Variants in LYRM7 observed in about 807,000 individuals in gnomAD.
LYRM7 encodes the protein complex III assembly factor LYRM7.
In LYRM7, 9 loss-of-function variants were observed where a neutral mutation model predicts 15.8. That is an observed-to-expected ratio of 0.57 (90% confidence interval 0.34 to 0.99). The LOEUF is 0.99. LYRM7 is among the 50% of genes least tolerant of loss of function. LYRM7 has a pLI of 0.02. For missense variants in LYRM7, 115 were observed against 119.1 expected, an observed-to-expected ratio of 0.97 and a Z score of 0.16; for synonymous variants, 39 against 39.4, an observed-to-expected ratio of 0.99 and a Z score of 0.04.
intron 1 of LYRM7, among the ~76,000 whole-genome samples, chr5:131,175,674 A>G (rs1486547359): frequency 6.6e-6 from 1 of 152,006 alleles, no homozygotes; most frequent in African/African-American, 2.4e-5. Context: ...AGCTAGGACT[A>G]CAAGCACCCT....
chr5:131,174,206 C>T (rs936537548), intron 1 of LYRM7, among the ~76,000 whole-genome samples: 4 of 152,336 alleles, frequency 2.6e-5, no homozygotes, highest in African/African-American at 9.6e-5. Context: ...ACTCAAGAAT[C>T]CACTTTCTTT....
intron 4 of LYRM7, among the ~76,000 whole-genome samples, chr5:131,187,857 A>G (rs1228826671): frequency 1.3e-5 from 2 of 152,146 alleles, no homozygotes; most frequent in East Asian, 1.9e-4. Flanking sequence ...ATCCTCCATC[A>G]TATCTCGAGA....
In LYRM7 at chr5:131,186,918, A is replaced by G. The variant is rs547729800; in HGVS notation, c.163-110A>G. ...TAACTGAAACTGCAGATAAGGAGAA[A>G]CTACTGTATTACTTGAAAAGAAATT... On this transcript the variant is annotated intron_variant, in intron 3 of 4. Transcript: ENST00000379380. 47 of 634,154 alleles carry G rather than the reference A, an allele frequency of 7.4e-5. No individual in the cohort carries two copies. In the East Asian group the frequency reaches 1.3e-3, roughly 18 times the overall value. The allele number at this position is 634,154 out of a possible 1,614,324, so 39.3% of individuals were successfully genotyped here. A position where few individuals can be genotyped will look rare whatever the true frequency, so the allele number is the denominator to read the frequency against.
At position 131,205,073 on chromosome 5, in the gene LYRM7, C is replaced by T. The variant is rs994043297; in HGVS notation, c.*5472C>T. ...TATAGCACACTCATGAACCTAATTC[C>T]CACATTTGATAGTTGTTACATTTTG... On this transcript the variant is annotated 3_prime_UTR_variant, in exon 5 of 5. Transcript: ENST00000379380. The T allele has an allele frequency of 5.3e-5, 8 of 152,104 alleles. No homozygotes were observed. Among genetic ancestry groups the T allele is most frequent in the Non-Finnish European group, 1.2e-4 (8 of 67,968 alleles). 9.4% of individuals were successfully genotyped at this position (152,104 alleles called of 1,614,324 possible).
chr5:131,198,069 A>G (rs1755998422), intron 4 of LYRM7, among the ~76,000 whole-genome samples: 1 of 151,954 alleles, frequency 6.6e-6, no homozygotes, highest in Non-Finnish European at 1.5e-5. Flanking sequence ...TAAGTTGCAG[A>G]CATAATGCCT....
chr5:131,172,473 A>T (rs1755538435), intron 1 of LYRM7, among the ~76,000 whole-genome samples: 1 of 152,260 alleles, frequency 6.6e-6, no homozygotes, highest in African/African-American at 2.4e-5. Context: ...GTTTGATTAG[A>T]AATTAGCTAG....
intron 1 of LYRM7, among the ~76,000 whole-genome samples, chr5:131,179,474 T>TTTTTTTTTTTTTTTTTTTTTTTTC (rs1755656398): frequency 2.6e-3 from 61 of 23,490 alleles, no homozygotes; most frequent in East Asian, 7.5e-3. Flanking sequence ...TTTTTTTTTC[T>TTTTTTTTTTTTTTTTTTTTTTTTC]TTTTTTTTTT....
At chr5:131,181,384 ATATACATATATATTATATATACATAT>A (rs1561544405) in intron 2 of LYRM7, among the ~76,000 whole-genome samples, 136 of 100,092 alleles carry the variant, frequency 1.4e-3, no homozygotes, top group Admixed American at 2.9e-3. Flanking sequence ...TATATATAAT[ATATACATATATATTATATATACATAT>A]ATATGTTTAT....
At position 131,180,209 on chromosome 5, in the gene LYRM7, A is replaced by C. The variant is rs764277475; in HGVS notation, c.91+42A>C. The C allele has an allele frequency of 2.6e-5, 35 of 1,367,742 alleles. No individual in the cohort carries two copies. The African/African-American group carries it at 4.2e-4, about 16-fold the overall frequency. The allele number at this position is 1,367,742 out of a possible 1,614,324, so 84.7% of individuals were successfully genotyped here. On this transcript the variant is annotated intron_variant, in intron 2 of 4. Coordinates refer to ENST00000379380, the MANE Select transcript of LYRM7 (RefSeq NM_181705.4). ...CCCCTTTGGAGCCAGTCTACTTTTT[A>C]GATAACTACTAATCTCTCTGAGAAA... is the stretch of plus-strand genomic sequence containing the variant.
intron 1 of LYRM7, among the ~76,000 whole-genome samples, chr5:131,178,829 G>T (rs1213725631): frequency 6.6e-6 from 1 of 152,062 alleles, no homozygotes; most frequent in Admixed American, 6.6e-5. Context: ...GGGCGTGGTG[G>T]CACACGCCTG....
At chr5:131,177,795 T>A (rs1363046994) in intron 1 of LYRM7, among the ~76,000 whole-genome samples, 1 of 152,170 alleles carries the variant, frequency 6.6e-6, no homozygotes, top group East Asian at 1.9e-4. Context: ...TAAGTGAAAA[T>A]TTTAAAATTT....
chr5:131,179,474 T>TTTTTTTTTTTTTTTATTTTTTC (rs1755656398), intron 1 of LYRM7, among the ~76,000 whole-genome samples: 1 of 23,492 alleles, frequency 4.3e-5, no homozygotes, highest in Non-Finnish European at 1.9e-4. Flanking sequence ...TTTTTTTTTC[T>TTTTTTTTTTTTTTTATTTTTTC]TTTTTTTTTT....
At chr5:131,172,514 A>G (rs1298604024) in intron 1 of LYRM7, among the ~76,000 whole-genome samples, 6 of 152,244 alleles carry the variant, frequency 3.9e-5, no homozygotes, top group African/African-American at 7.2e-5. Context: ...AGAAAAGGCA[A>G]CTAGCACATG....
At chr5:131,183,317 A>G (rs1755742787) in intron 3 of LYRM7, among the ~76,000 whole-genome samples, 1 of 152,192 alleles carries the variant, frequency 6.6e-6, no homozygotes, top group African/African-American at 2.4e-5. Context: ...ATTTTTATTC[A>G]TGGCAGAAAT....
rs1240922933 is a variant in LYRM7, at chr5:131,202,933, G to T, written c.*3332G>T. On this transcript the variant is annotated 3_prime_UTR_variant, in exon 5 of 5. Coordinates refer to ENST00000379380, the MANE Select transcript of LYRM7 (RefSeq NM_181705.4). ...ATTCGAAGCTGGGGGAATATGGCAGGTAGTTTGTACAACATCTAATTCAGA... is the reference window on the plus strand; with the variant it reads ...ATTCGAAGCTGGGGGAATATGGCAGTTAGTTTGTACAACATCTAATTCAGA... The T allele has an allele frequency of 1.3e-5, 2 of 152,266 alleles. No homozygotes were observed. The highest frequency in any genetic ancestry group is 4.8e-5 in the African/African-American group (2 of 41,418). 9.4% of individuals were successfully genotyped at this position (152,266 alleles called of 1,614,324 possible). A position where few individuals can be genotyped will look rare whatever the true frequency, so the allele number is the denominator to read the frequency against.
chr5:131,177,134 C>A (rs561220820), intron 1 of LYRM7, among the ~76,000 whole-genome samples: 2 of 152,174 alleles, frequency 1.3e-5, no homozygotes, highest in East Asian at 3.9e-4. Flanking sequence ...TTAAAAATAT[C>A]CTTTAATAGA....
chr5:131,196,628 C>A (rs72787009), intron 4 of LYRM7, among the ~76,000 whole-genome samples: 14,299 of 151,324 alleles, frequency 0.094, 837 homozygotes, highest in South Asian at 0.14. Flanking sequence ...CTTAGTATCA[C>A]TAAGGACAAG....
chr5:131,178,780 T>G (rs758322214), intron 1 of LYRM7, among the ~76,000 whole-genome samples: 22 of 151,932 alleles, frequency 1.4e-4, no homozygotes, highest in Admixed American at 1.2e-3. Context: ...GCCAACATGG[T>G]GAAACCCCGT....
chr5:131,193,412 C>G (rs6890881), intron 4 of LYRM7, among the ~76,000 whole-genome samples: 1 of 152,080 alleles, frequency 6.6e-6, no homozygotes, highest in Non-Finnish European at 1.5e-5. Context: ...GACACATAAG[C>G]AGAGCTACAG....
Sources: allele counts gnomAD v4.1 joint callset (sites outside exome capture counted in the v4.1 genomes callset), GRCh38; gene constraint gnomAD v4.1.1; transcripts MANE v1.5; gene names NCBI Gene and HGNC (gene_info 2026-07-23, HGNC 2026-07-21).